C2orf81: variants seen among roughly 807,000 people sequenced by gnomAD.
C2orf81 encodes the protein uncharacterized protein C2orf81.
C2orf81 carries 5 observed loss-of-function variants against 7.9 expected under a neutral mutation model. That is an observed-to-expected ratio of 0.63 (90% confidence interval 0.33 to 1.33). The LOEUF (loss-of-function observed/expected upper bound fraction) is 1.33. Among genes scored for constraint, C2orf81 ranks in the 40% most tolerant of loss-of-function variants. The pLI, the probability that C2orf81 is intolerant of heterozygous loss-of-function variation, is 0.05. For missense variants in C2orf81, 781 were observed against 830.4 expected, an observed-to-expected ratio of 0.94 and a Z score of 0.73; for synonymous variants, 346 against 367.4, an observed-to-expected ratio of 0.94 and a Z score of 0.66.
chr2:74,418,073 G>C (rs1037399091), intron 1 of C2orf81: 1 of 572,772 alleles, frequency 1.7e-6, no homozygotes, highest in Non-Finnish European at 3.2e-6. Context: ...TGGGGGGTGG[G>C]AGGTGGGGGG....
rs761137200 is a variant in C2orf81 at position 74,416,233 on chromosome 2, C to A, written c.27G>T (p.Glu9Asp). Residue 9 changes from glutamate to aspartate, a missense_variant, in exon 2 of 3, where the codon GAG becomes GAT. Coordinates refer to ENST00000684111, the MANE Select transcript of C2orf81 (RefSeq NM_001316764.3). Reference protein sequence around the residue: MAHEGSRQERQVRDRGVTR... With the variant: MAHEGSRQDRQVRDRGVTR... ...TCACCCCGCGGTCTCGGACCTGCCT[C>A]TCCTGCCTCTGTGAGAACAAAACAT... 1.0e-5 allele frequency: 14 copies of A among 1,372,712 alleles called. No individual in the cohort carries two copies. The South Asian group carries it at 1.7e-4, about 17-fold the overall frequency. The allele number at this position is 1,372,712 out of a possible 1,614,324, so 85.0% of individuals were successfully genotyped here. A position where few individuals can be genotyped will look rare whatever the true frequency, so the allele number is the denominator to read the frequency against.
Position 74,421,585 on chromosome 2 carries a change from G to T in C2orf81, c.-25C>A, listed in dbSNP as rs1282899099. 1 of 424,498 alleles carries T rather than the reference G, an allele frequency of 2.4e-6. No homozygotes were observed. The highest frequency in any genetic ancestry group is 6.6e-5 in the South Asian group (1 of 15,094). 26.3% of individuals were successfully genotyped at this position (424,498 alleles called of 1,614,324 possible). ...TCGCCAACGCGGTCGCAGCAACGCT[G>T]GTGTTTCTGCTGCATCCGGGCCGCG... On this transcript the variant is annotated 5_prime_UTR_variant, in exon 1 of 3. Coordinates refer to ENST00000684111, the MANE Select transcript of C2orf81 (RefSeq NM_001316764.3).
At chr2:74,420,208 CAG>C (rs1180644288) in intron 1 of C2orf81, among the ~76,000 whole-genome samples, 7 of 151,970 alleles carry the variant, frequency 4.6e-5, no homozygotes, top group African/African-American at 1.7e-4. Context: ...AAAATGATAA[CAG>C]AGGATACGTT....
Position 74,415,977 on chromosome 2 carries a change from G to A in C2orf81, c.249+34C>T. ...GGTCGGCAGGGAGGGGCGGGAGAGGGAGACGAGTCTGAAGGACCCGGATCC... is the reference window on the plus strand; with the variant it reads ...GGTCGGCAGGGAGGGGCGGGAGAGGAAGACGAGTCTGAAGGACCCGGATCC... On this transcript the variant is annotated intron_variant, in intron 2 of 2. Coordinates refer to ENST00000684111, the MANE Select transcript of C2orf81 (RefSeq NM_001316764.3). The surrounding 1 kb of genome is among the most constrained non-coding windows in gnomAD (Gnocchi z 5.5). The A allele has an allele frequency of 6.5e-7, 1 of 1,548,174 alleles. No homozygotes were observed. Among genetic ancestry groups the A allele is most frequent in the East Asian group, 2.4e-5 (1 of 40,834 alleles).
At position 74,415,627 on chromosome 2, in the gene C2orf81, A is replaced by C. The variant is rs1176411577; in HGVS notation, c.550T>G (p.Phe184Val). The C allele has an allele frequency of 4.5e-6, 7 of 1,550,974 alleles. No individual in the cohort carries two copies. In the East Asian group the frequency reaches 1.2e-4, roughly 27 times the overall value. Reference protein sequence around the residue: ...PFPTSHCPSAFPQDPGGVDRI... With the variant: ...PFPTSHCPSAVPQDPGGVDRI... ...TCCACGCCCCCAGGGTCCTGGGGAA[A>C]TGCACTCGGGCAGTGAGATGTCGGA... Residue 184 changes from phenylalanine to valine, a missense_variant, in exon 3 of 3, where the codon TTT becomes GTT. Transcript: ENST00000684111. This position sits in a 1 kb window ranked among gnomAD's most constrained non-coding sequence, Gnocchi z 5.5.
chr2:74,418,500 G>T, intron 1 of C2orf81: 2 of 1,089,150 alleles, frequency 1.8e-6, no homozygotes, highest in Non-Finnish European at 2.8e-6. Flanking sequence ...GAACTCGGCC[G>T]CTGGCCTGCG....
At chr2:74,418,671 G>T in intron 1 of C2orf81, 2 of 537,692 alleles carry the variant, frequency 3.7e-6, no homozygotes, top group Admixed American at 6.6e-5. Context: ...GCACAGCCCC[G>T]GCTCAGGGGA....
In C2orf81 at chr2:74,415,660, G is replaced by A; in HGVS notation, c.517C>T (p.Leu173Phe). 1 of 1,551,328 alleles carries A rather than the reference G, an allele frequency of 6.4e-7. No individual in the cohort carries two copies. The highest frequency in any genetic ancestry group is 8.7e-7 in the Non-Finnish European group (1 of 1,147,010). ...GGGCAGTGAGATGTCGGAAAGGGGAGAGCAGGAGCAATGGCAGAGGAGTCC... is the reference window on the plus strand; with the variant it reads ...GGGCAGTGAGATGTCGGAAAGGGGAAAGCAGGAGCAATGGCAGAGGAGTCC... ...SPDSSAIAPA[L>F]PFPTSHCPSA... Residue 173 changes from leucine (L) to phenylalanine (F), a missense_variant, in exon 3 of 3, where the codon CTC becomes TTC. Transcript: ENST00000684111. The surrounding 1 kb of genome is among the most constrained non-coding windows in gnomAD (Gnocchi z 5.5).
chr2:74,418,602 C>G (rs1212941643), intron 1 of C2orf81: 2 of 625,912 alleles, frequency 3.2e-6, no homozygotes, highest in Non-Finnish European at 2.9e-6. Context: ...AATGCGGATG[C>G]CTTCCTGGAG....
intron 1 of C2orf81, among the ~76,000 whole-genome samples, chr2:74,417,223 G>C (rs777444616): frequency 5.3e-5 from 8 of 152,256 alleles, no homozygotes; most frequent in Non-Finnish European, 1.2e-4. Context: ...ACCTGGGGGG[G>C]TGGCAGGAGC....
intron 1 of C2orf81, chr2:74,417,514 G>A: frequency 8.3e-7 from 1 of 1,199,188 alleles, no homozygotes; most frequent in Non-Finnish European, 1.1e-6. Flanking sequence ...TAGCCAATGG[G>A]GGCTGTCCAA....
At position 74,420,772 on chromosome 2, in the gene C2orf81, CTTTTTTTT is replaced by C. The variant is rs745827470; in HGVS notation, c.18+763_18+770del. 4.3e-3 allele frequency among the ~76,000 whole-genome samples: 312 copies of C among 72,698 alleles called. 1 individual carries two copies. Among genetic ancestry groups the C allele is most frequent in the African/African-American group, 0.015 (262 of 17,508 alleles). 47.7% of individuals were successfully genotyped at this position (72,698 alleles called of 152,430 possible). ...CAAATCCGTTTTCTTTCTTCTTCTT[CTTTTTTTT>C]TTTTTTTTTTTTTTTTTTTTGAGAC... On this transcript the variant is annotated intron_variant, in intron 1 of 2. Coordinates refer to ENST00000684111, the MANE Select transcript of C2orf81 (RefSeq NM_001316764.3).
rs1171455906 is a variant in C2orf81 at position 74,415,110 on chromosome 2, G to A, written c.1067C>T (p.Ser356Leu). 3 of 1,520,874 alleles carry A rather than the reference G, an allele frequency of 2.0e-6. No individual in the cohort carries two copies. Among genetic ancestry groups the A allele is most frequent in the Middle Eastern group, 3.4e-4 (2 of 5,904 alleles). 94.2% of individuals were successfully genotyped at this position (1,520,874 alleles called of 1,614,324 possible). Residue 356 changes from serine to leucine, a missense_variant, in exon 3 of 3, where the codon TCG becomes TTG. Ser to Leu is a moderately radical substitution (Grantham distance 145, BLOSUM62 -2). Transcript: ENST00000684111. This position sits in a 1 kb window ranked among gnomAD's most constrained non-coding sequence, Gnocchi z 5.5. ...ASCQQQRAGH[S>L]DVRLSAHHHR... ...GTGGTGGGCGCTCAGCCGCACATCC[G>A]AGTGCCCGGCCCGCTGCTGCTGGCA...
chr2:74,414,632 G>C lies in C2orf81; in HGVS notation c.1545C>G (p.Gly515=). ...CGCGGGTCCGGCCAGCCCACAGCTC[G>C]CCCAGCAGCTCGGCCTTCCCCTCCC... is the stretch of plus-strand genomic sequence containing the variant. ...SGWEGKAELL[G]ELWAGRTRVP... is the part of the protein sequence containing the mutation. Residue 515 remains glycine, a synonymous_variant, in exon 3 of 3, where the codon GGC becomes GGG. Transcript: ENST00000684111. This position sits in a 1 kb window ranked among gnomAD's most constrained non-coding sequence, Gnocchi z 5.3. 2 of 1,550,028 alleles carry C rather than the reference G, an allele frequency of 1.3e-6. No individual in the cohort carries two copies. Among genetic ancestry groups the C allele is most frequent in the Non-Finnish European group, 1.7e-6 (2 of 1,145,954 alleles).
At chr2:74,417,450 G>T (rs1248352650) in intron 1 of C2orf81, 9 of 1,309,480 alleles carry the variant, frequency 6.9e-6, no homozygotes, top group African/African-American at 6.0e-5. Context: ...CGGTAAGGGG[G>T]CTGGGGCCAC....
Position 74,418,323 on chromosome 2 carries a change from C to A in C2orf81, c.19-2082G>T, listed in dbSNP as rs182704437. 7,280 of 1,605,374 alleles carry A rather than the reference C, an allele frequency of 4.5e-3. 24 individuals are homozygous for A. The highest frequency in any genetic ancestry group is 5.5e-3 in the Non-Finnish European group (6,437 of 1,173,970). ...TGAGCTCCTTCTGACTCCCTACCAG[C>A]GCTGTCCTGGGACTCACCGGAGGCT... On this transcript the variant is annotated intron_variant, in intron 1 of 2. Transcript: ENST00000684111.
At position 74,418,432 on chromosome 2, in the gene C2orf81, G is replaced by A. The variant is rs565046522; in HGVS notation, c.19-2191C>T. On this transcript the variant is annotated intron_variant, in intron 1 of 2. Transcript: ENST00000684111. ...CAAGGGCTGGCTGGACTTCGAGCTCGACTCGCTCATCTTCCCTTCTCTAAG... is the reference window on the plus strand; with the variant it reads ...CAAGGGCTGGCTGGACTTCGAGCTCAACTCGCTCATCTTCCCTTCTCTAAG... 21 of 1,561,632 alleles carry A rather than the reference G, an allele frequency of 1.3e-5. No homozygotes were observed. In the African/African-American group the frequency reaches 1.9e-4, roughly 14 times the overall value.
chr2:74,418,537 G>A, intron 1 of C2orf81: 2 of 810,406 alleles, frequency 2.5e-6, no homozygotes, highest in Admixed American at 2.0e-5. Flanking sequence ...GCCGGGAGCA[G>A]CGGTGCTGGG....
intron 1 of C2orf81, chr2:74,418,668 C>T (rs1374094894): frequency 1.8e-6 from 1 of 551,798 alleles, no homozygotes; most frequent in African/African-American, 1.9e-5. Context: ...AGAGCACAGC[C>T]CCGGCTCAGG....
Sources: allele counts gnomAD v4.1 joint callset (sites outside exome capture counted in the v4.1 genomes callset), GRCh38; gene constraint gnomAD v4.1.1; non-coding constraint Gnocchi (gnomAD v3.1); transcripts MANE v1.5; gene names NCBI Gene and HGNC (gene_info 2026-07-23, HGNC 2026-07-21).